The following CCDC30 variants were observed in gnomAD, a reference collection of about 807,000 sequenced individuals.
CCDC30 encodes the protein coiled-coil domain containing 30.
Under a neutral mutation model 100.2 loss-of-function variants are expected in CCDC30, and 70 were observed. The ratio of observed to expected loss-of-function variants is 0.70; its 90% CI spans 0.58 to 0.85. CCDC30 has a LOEUF of 0.85. Ranked by LOEUF, CCDC30 falls within the 40% of genes least tolerant of loss-of-function variation. The pLI, the probability that CCDC30 is intolerant of heterozygous loss-of-function variation, is 0.00. For missense variants in CCDC30, 652 were observed against 771.2 expected (o/e 0.85, Z 1.83); for synonymous variants, 233 against 269.5 (o/e 0.86, Z 1.33).
chr1:42,464,329 C>T (rs1043186575), intron 1 of CCDC30: 1 of 152,064 alleles, frequency 6.6e-6, no homozygotes, highest in Non-Finnish European at 1.5e-5. Context: ...GAAGGTTGTT[C>T]CTTGTTTCAT....
intron 6 of CCDC30, chr1:42,509,959 G>A: frequency 1.5e-6 from 1 of 678,118 alleles, no homozygotes; most frequent in Non-Finnish European, 1.8e-6. Flanking sequence ...TCTAAGCAAA[G>A]CATTTTAAGG....
chr1:42,457,634 A>G, the CCDC30 span: 14 of 430,912 alleles, frequency 3.2e-5, no homozygotes, highest in African/African-American at 6.0e-5. Context: ...AGCTTCTTGG[A>G]GGAGATGAAT....
At chr1:42,457,301 T>C in the CCDC30 span, 4 of 1,614,104 alleles carry the variant, frequency 2.5e-6, no homozygotes, top group Admixed American at 1.7e-5. Context: ...TATGTTCCTG[T>C]CTCTGAAATG....
intron 6 of CCDC30, among the ~76,000 whole-genome samples, chr1:42,513,003 T>C (rs547351751): frequency 7.5e-4 from 114 of 152,306 alleles, no homozygotes; most frequent in African/African-American, 2.5e-3. Context: ...AACCTCAAAA[T>C]TAAAGGACAG....
the CCDC30 span, chr1:42,456,649 C>G: frequency 1.3e-6 from 2 of 1,590,406 alleles, no homozygotes; most frequent in Non-Finnish European, 1.7e-6. Flanking sequence ...GCTTCGCGGC[C>G]AGGCTGGGCG....
At chr1:42,511,780 C>T (rs1410514777) in intron 6 of CCDC30, among the ~76,000 whole-genome samples, 1 of 151,994 alleles carries the variant, frequency 6.6e-6, no homozygotes, top group Non-Finnish European at 1.5e-5. Flanking sequence ...CTCTAGGTGG[C>T]GCTATTGACC....
intron 1 of CCDC30, among the ~76,000 whole-genome samples, chr1:42,465,386 C>T (rs191962688): frequency 1.3e-4 from 20 of 152,004 alleles, no homozygotes; most frequent in Admixed American, 1.2e-3. Context: ...TTGTTTGAGA[C>T]GGAATTTCAC....
chr1:42,613,001 CA>C (rs1196702996), intron 11 of CCDC30, among the ~76,000 whole-genome samples: 12 of 151,964 alleles, frequency 7.9e-5, no homozygotes, highest in Admixed American at 7.9e-4. Flanking sequence ...ACAAACATTC[CA>C]AAGTATCCTA....
intron 2 of CCDC30, among the ~76,000 whole-genome samples, chr1:42,482,082 G>A (rs982442651): frequency 1.3e-5 from 2 of 152,072 alleles, no homozygotes; most frequent in African/African-American, 2.4e-5. Context: ...GCCAGTCGTG[G>A]TGGTGCGTGC....
intron 1 of CCDC30, among the ~76,000 whole-genome samples, chr1:42,464,973 A>T (rs1643522981): frequency 6.6e-6 from 1 of 152,208 alleles, no homozygotes; most frequent in Admixed American, 6.5e-5. Context: ...CAGCCTTTTC[A>T]ATCTTGCACA....
chr1:42,629,969 ATTTT>A (rs4019432), intron 11 of CCDC30, among the ~76,000 whole-genome samples: 2,190 of 90,154 alleles, frequency 0.024, 38 homozygotes, highest in African/African-American at 0.084. Flanking sequence ...ATGTCCCCCT[ATTTT>A]TTTTTTTTTT....
intron 12 of CCDC30, among the ~76,000 whole-genome samples, chr1:42,639,917 G>C (rs1041308695): frequency 5.4e-5 from 8 of 148,056 alleles, no homozygotes; most frequent in Non-Finnish European, 1.2e-4. Context: ...AGTGAGCCAA[G>C]ATTGCACCAT....
intron 6 of CCDC30, among the ~76,000 whole-genome samples, chr1:42,525,627 C>T (rs1173514918): frequency 2.0e-5 from 3 of 152,086 alleles, no homozygotes; most frequent in Non-Finnish European, 4.4e-5. Flanking sequence ...GGATATTGGA[C>T]ATTATGAATT....
At chr1:42,644,183 A>C (rs1647682350) in intron 13 of CCDC30, among the ~76,000 whole-genome samples, 2 of 152,190 alleles carry the variant, frequency 1.3e-5, no homozygotes, top group African/African-American at 4.8e-5. Context: ...TAACTTACAC[A>C]ATCACAAAGT....
At chr1:42,522,410 A>G (rs1244562078) in intron 6 of CCDC30, among the ~76,000 whole-genome samples, 2 of 152,114 alleles carry the variant, frequency 1.3e-5, no homozygotes, top group Non-Finnish European at 2.9e-5. Flanking sequence ...ATGCTTTGTT[A>G]GCTTCCCCCA....
At chr1:42,472,891 A>G (rs1425333180) in intron 1 of CCDC30, among the ~76,000 whole-genome samples, 1 of 152,136 alleles carries the variant, frequency 6.6e-6, no homozygotes, top group Admixed American at 6.5e-5. Flanking sequence ...TTGTATGTGT[A>G]TTGCCAGCTA....
At chr1:42,556,158 C>T (rs576728776) in intron 6 of CCDC30, 2 of 1,604,942 alleles carry the variant, frequency 1.2e-6, no homozygotes, top group South Asian at 2.2e-5. Flanking sequence ...GCACCAAGTC[C>T]CAAATTAGGA....
chr1:42,598,969 T>C (rs1646348393), intron 10 of CCDC30, among the ~76,000 whole-genome samples: 1 of 152,166 alleles, frequency 6.6e-6, no homozygotes, highest in African/African-American at 2.4e-5. Context: ...GGGAATCTAT[T>C]ACCTTGCAAG....
At chr1:42,480,490 C>A in exon 2 of CCDC30, 1 of 262,662 alleles carries the variant, frequency 3.8e-6, no homozygotes, top group Non-Finnish European at 5.9e-6. Context: ...GTAGCATGAT[C>A]TCCGTTCACT....
Sources: allele counts gnomAD v4.1 joint callset (sites outside exome capture counted in the v4.1 genomes callset), GRCh38; gene constraint gnomAD v4.1.1; transcripts MANE v1.5; gene names NCBI Gene and HGNC (gene_info 2026-07-23, HGNC 2026-07-21).